The following N4BP2L2 variants were observed in gnomAD, a reference collection of about 807,000 sequenced individuals.
The protein encoded by N4BP2L2 is NEDD4 binding protein 2 like 2, also known as NEDD4-binding protein 2-like 2.
N4BP2L2 carries 50 observed loss-of-function variants against 56.2 expected under a neutral mutation model. The ratio of observed to expected loss-of-function variants is 0.89; its 90% CI spans 0.71 to 1.13. The LOEUF (loss-of-function observed/expected upper bound fraction) is 1.13. N4BP2L2 is among the 50% of genes most tolerant of loss of function. The pLI is 0.00. For missense variants in N4BP2L2, 689 were observed against 693.8 expected, an observed-to-expected ratio of 0.99 and a Z score of 0.08; for synonymous variants, 203 against 223.6, an observed-to-expected ratio of 0.91 and a Z score of 0.82.
At chr13:32,510,100 T>C (rs933393847), downstream of N4BP2L2, among the ~76,000 whole-genome samples, 2 of 152,038 alleles carry the variant, frequency 1.3e-5, no homozygotes, top group South Asian at 2.1e-4. Context: ...GTTCCTATTA[T>C]AGAGAAAAAG....
chr13:32,493,744 A>G (rs1314948427), intron 6 of N4BP2L2, among the ~76,000 whole-genome samples: 2 of 152,272 alleles, frequency 1.3e-5, no homozygotes, highest in African/African-American at 4.8e-5. Context: ...CCTGAGGCAT[A>G]TAACTGCCTG....
downstream of N4BP2L2, chr13:32,509,388 G>C (rs1262125013): frequency 2.6e-5 from 4 of 152,164 alleles, no homozygotes; most frequent in African/African-American, 9.7e-5. Context: ...ATTTCAGATA[G>C]GGGTACTCAA....
At chr13:32,439,614 A>C (rs1410187180) in intron 7 of N4BP2L2, among the ~76,000 whole-genome samples, 1 of 152,234 alleles carries the variant, frequency 6.6e-6, no homozygotes, top group Non-Finnish European at 1.5e-5. Flanking sequence ...CTACGATCTC[A>C]GAACTAAAAT....
chr13:32,504,065 T>C (rs936786975), intron 6 of N4BP2L2, among the ~76,000 whole-genome samples: 5 of 152,196 alleles, frequency 3.3e-5, no homozygotes, highest in Admixed American at 1.3e-4. Context: ...CCCTGATGTA[T>C]GTAAAACTCC....
intron 6 of N4BP2L2, among the ~76,000 whole-genome samples, chr13:32,497,724 G>T (rs1055390448): frequency 1.3e-5 from 2 of 152,190 alleles, no homozygotes; most frequent in African/African-American, 4.8e-5. Flanking sequence ...AAATATTATG[G>T]CTTTGCCACA....
At chr13:32,458,350 C>A (rs1806795143) in intron 6 of N4BP2L2, among the ~76,000 whole-genome samples, 1 of 152,186 alleles carries the variant, frequency 6.6e-6, no homozygotes, top group Non-Finnish European at 1.5e-5. Flanking sequence ...CAGGCGTGAG[C>A]CACTGTGCCC....
intron 6 of N4BP2L2, among the ~76,000 whole-genome samples, chr13:32,466,024 T>C (rs1025479849): frequency 3.3e-5 from 5 of 152,208 alleles, no homozygotes; most frequent in African/African-American, 9.6e-5. Context: ...ATCTACCGAA[T>C]TGATTTTATG....
exon 2 of N4BP2L2, chr13:32,536,812 TTTGTTCTCC>T: frequency 6.2e-7 from 1 of 1,614,038 alleles, no homozygotes; most frequent in East Asian, 2.2e-5. Flanking sequence ...TAGTTTTGAT[TTTGTTCTCC>T]TGCAAATAAC....
chr13:32,521,945 C>A (rs2051072924), intron 4 of N4BP2L2: 1 of 419,806 alleles, frequency 2.4e-6, no homozygotes, highest in Non-Finnish European at 4.2e-6. Context: ...CACTGCACTC[C>A]AGCCTGGGTG....
chr13:32,511,001 TAAA>T (rs956726361), exon 6 of N4BP2L2: 1 of 151,076 alleles, frequency 6.6e-6, no homozygotes, highest in Non-Finnish European at 1.5e-5. Flanking sequence ...ACTATGTGGT[TAAA>T]AAAAAATAAT....
intron 6 of N4BP2L2, among the ~76,000 whole-genome samples, chr13:32,493,122 A>G (rs2139383259): frequency 6.6e-6 from 1 of 151,816 alleles, no homozygotes; most frequent in Admixed American, 6.6e-5. Flanking sequence ...ACGGCGTTTC[A>G]CCATGTTGGC....
At chr13:32,492,616 G>T (rs147682018) in intron 6 of N4BP2L2, among the ~76,000 whole-genome samples, 1 of 151,938 alleles carries the variant, frequency 6.6e-6, no homozygotes, top group Non-Finnish European at 1.5e-5. Context: ...AGTAACAGGC[G>T]CACTATTAAG....
intron 4 of N4BP2L2, chr13:32,521,698 G>A: frequency 2.7e-6 from 1 of 364,096 alleles, no homozygotes; most frequent in South Asian, 4.4e-5. Context: ...ATATGAGGCT[G>A]GGCGTGGTGG....
At chr13:32,462,861 TAA>T (rs569068082) in intron 6 of N4BP2L2, among the ~76,000 whole-genome samples, 3,932 of 51,016 alleles carry the variant, frequency 0.077, 210 homozygotes, top group African/African-American at 0.16. Context: ...CTGTCTTTAC[TAA>T]AAAAAAAAAA....
At chr13:32,440,346 C>T (rs977551405) in intron 7 of N4BP2L2, among the ~76,000 whole-genome samples, 4 of 152,132 alleles carry the variant, frequency 2.6e-5, no homozygotes. Flanking sequence ...GCTTTGGCCT[C>T]TTGAGTCTTA....
chr13:32,458,028 AT>A (rs1210197762), intron 6 of N4BP2L2, among the ~76,000 whole-genome samples: 1 of 150,920 alleles, frequency 6.6e-6, no homozygotes, highest in Non-Finnish European at 1.5e-5. Context: ...GGCTGTATTG[AT>A]TTGTTTTTTG....
chr13:32,516,104 T>C (rs902284327), exon 6 of N4BP2L2: 5 of 152,220 alleles, frequency 3.3e-5, no homozygotes, highest in East Asian at 1.9e-4. Context: ...AAGGGACATA[T>C]AGTCTACCTA....
chr13:32,447,024 C>T (rs983668691), intron 6 of N4BP2L2, among the ~76,000 whole-genome samples: 2 of 151,936 alleles, frequency 1.3e-5, no homozygotes, highest in African/African-American at 4.9e-5. Context: ...CACTGCCTCT[C>T]GATTTAAAGA....
At chr13:32,475,421 A>C (rs2083128124) in intron 6 of N4BP2L2, among the ~76,000 whole-genome samples, 1 of 152,218 alleles carries the variant, frequency 6.6e-6, no homozygotes, top group South Asian at 2.1e-4. Flanking sequence ...AAACAGAAAA[A>C]GGATTGGCTA....
Sources: allele counts gnomAD v4.1 joint callset (sites outside exome capture counted in the v4.1 genomes callset), GRCh38; gene constraint gnomAD v4.1.1; transcripts MANE v1.5; gene names NCBI Gene and HGNC (gene_info 2026-07-23, HGNC 2026-07-21).